ST6GAL1: variants seen among roughly 807,000 people sequenced by gnomAD.
The protein encoded by ST6GAL1 is beta-galactoside alpha-2,6-sialyltransferase 1.
Under a neutral mutation model 38.0 loss-of-function variants are expected in ST6GAL1, and 20 were observed. The observed-to-expected ratio is 0.53, with a 90% CI of 0.37 to 0.77. The LOEUF is 0.77. Ranked by LOEUF, ST6GAL1 falls within the 30% of genes least tolerant of loss-of-function variation. The pLI, the probability that ST6GAL1 is intolerant of heterozygous loss-of-function variation, is 0.00. For synonymous variants in ST6GAL1, 196 were observed against 188.2 expected (o/e 1.04, Z -0.34); for missense variants, 432 against 496.4 (o/e 0.87, Z 1.23).
At chr3:187,044,193 T>G (rs192523478) in intron 4 of ST6GAL1, among the ~76,000 whole-genome samples, 71 of 152,340 alleles carry the variant, frequency 4.7e-4, no homozygotes, top group Non-Finnish European at 9.6e-4. Context: ...CTGTCTATAT[T>G]TGTAAACCTG....
chr3:186,937,432 T>C (rs1714001292), intron 1 of ST6GAL1, among the ~76,000 whole-genome samples: 1 of 152,206 alleles, frequency 6.6e-6, no homozygotes, highest in Admixed American at 6.5e-5. Flanking sequence ...GCACATGGCC[T>C]TGAGTTCCAG....
At chr3:187,019,951 A>G (rs1164215093) in intron 2 of ST6GAL1, among the ~76,000 whole-genome samples, 1 of 152,182 alleles carries the variant, frequency 6.6e-6, no homozygotes, top group Non-Finnish European at 1.5e-5. Flanking sequence ...TAGCCCTTGG[A>G]AGGGCCTGAG....
At chr3:186,985,627 T>A (rs1295818125) in intron 2 of ST6GAL1, among the ~76,000 whole-genome samples, 1 of 148,236 alleles carries the variant, frequency 6.7e-6, no homozygotes, top group African/African-American at 2.5e-5. Flanking sequence ...AAAAAAAAAT[T>A]AGCTGGTCCT....
chr3:187,025,013 G>GTGTGTGTGTGTGTGTCTGTGTGTC (rs1441343688), intron 2 of ST6GAL1, among the ~76,000 whole-genome samples: 2 of 151,280 alleles, frequency 1.3e-5, no homozygotes, highest in African/African-American at 4.9e-5. Flanking sequence ...GTGTGTGTGT[G>GTGTGTGTGTGTGTGTCTGTGTGTC]TGTGTGTCTG....
intron 2 of ST6GAL1, among the ~76,000 whole-genome samples, chr3:186,974,589 C>T (rs533842578): frequency 2.6e-5 from 4 of 151,998 alleles, no homozygotes; most frequent in South Asian, 2.1e-4. Context: ...AGAACATTTC[C>T]GTCATTAGTG....
chr3:187,060,232 C>T lies in ST6GAL1; in HGVS notation c.705+8886C>T, dbSNP rs143341932. Among the ~76,000 whole-genome samples, 504 of 152,308 alleles carry T rather than the reference C, an allele frequency of 3.3e-3. 6 individuals are homozygous for T. Among genetic ancestry groups the T allele is most frequent in the African/African-American group, 0.01 (435 of 41,542 alleles). ...CTGGAGTGCAGTGGCGCGATCTCAG[C>T]TCACTGCAAACACCACCTCCTGGGT... On this transcript the variant is annotated intron_variant, in intron 5 of 7. Transcript: ENST00000169298.
At chr3:186,987,890 C>T (rs971413340) in intron 2 of ST6GAL1, among the ~76,000 whole-genome samples, 2 of 152,174 alleles carry the variant, frequency 1.3e-5, no homozygotes, top group Non-Finnish European at 2.9e-5. Flanking sequence ...TATTGGGGCT[C>T]GTATTTAAAA....
chr3:186,942,614 G>A (rs576044402), intron 1 of ST6GAL1, among the ~76,000 whole-genome samples: 1 of 152,112 alleles, frequency 6.6e-6, no homozygotes, highest in African/African-American at 2.4e-5. Flanking sequence ...TTTCTTTCCT[G>A]CAAGTGAAGA....
intron 2 of ST6GAL1, among the ~76,000 whole-genome samples, chr3:186,968,586 A>G (rs992287680): frequency 1.3e-5 from 2 of 151,920 alleles, no homozygotes; most frequent in South Asian, 2.1e-4. Flanking sequence ...TTCTCACACT[A>G]TAGGTTCGTT....
At chr3:186,998,426 AAG>A (rs1267226888) in intron 2 of ST6GAL1, among the ~76,000 whole-genome samples, 1 of 152,212 alleles carries the variant, frequency 6.6e-6, no homozygotes, top group East Asian at 1.9e-4. Context: ...AATCATAAGA[AAG>A]AGAAAATGTA....
intron 5 of ST6GAL1, among the ~76,000 whole-genome samples, chr3:187,060,367 G>T (rs1227919183): frequency 6.6e-6 from 1 of 151,932 alleles, no homozygotes; most frequent in Non-Finnish European, 1.5e-5. Flanking sequence ...CACTGTGTTG[G>T]CCAGGTTAGT....
chr3:187,002,428 C>A (rs1305683386), intron 2 of ST6GAL1, among the ~76,000 whole-genome samples: 1 of 152,228 alleles, frequency 6.6e-6, no homozygotes, highest in Admixed American at 6.5e-5. Context: ...ACAGCTCATT[C>A]CTCTCCCTGG....
At chr3:187,024,826 G>C (rs1341087008) in intron 2 of ST6GAL1, 1 of 152,146 alleles carries the variant, frequency 6.6e-6, no homozygotes, top group Non-Finnish European at 1.5e-5. Context: ...CAAACAAAAT[G>C]TCCTGTCCTT....
chr3:186,939,069 T>TA (rs1311136999), intron 1 of ST6GAL1, among the ~76,000 whole-genome samples: 1 of 36,364 alleles, frequency 2.7e-5, no homozygotes, highest in Non-Finnish European at 4.6e-5. Flanking sequence ...ACCTGGGACC[T>TA]TTTTTTTTTT....
Position 186,937,660 on chromosome 3 carries a change from C to T in ST6GAL1, c.-325+6826C>T, listed in dbSNP as rs911901058. ...CAAGAGATTAGTGCAGGATGCCGTG[C>T]GACCTTGAGGAGGGAGTCACCAATG... On this transcript the variant is annotated intron_variant, in intron 1 of 7. Coordinates refer to ENST00000169298, the MANE Select transcript of ST6GAL1 (RefSeq NM_173216.2). Among the ~76,000 whole-genome samples, 3 of 152,128 alleles carry T rather than the reference C, an allele frequency of 2.0e-5. No individual in the cohort carries two copies. The South Asian group carries it at 6.2e-4, about 32-fold the overall frequency.
intron 2 of ST6GAL1, among the ~76,000 whole-genome samples, chr3:187,009,495 G>A (rs1226112129): frequency 6.6e-6 from 1 of 152,124 alleles, no homozygotes; most frequent in Non-Finnish European, 1.5e-5. Context: ...ATCTGAGTGT[G>A]GTGGTGTGTG....
Position 187,075,643 on chromosome 3 carries a change from A to G in ST6GAL1, c.1061A>G (p.Tyr354Cys). ...LPSKRKTDVC[Y>C]YYQKFFDSAC... Reference sequence around the variant, plus strand: ...TCCAAGCGCAAGACTGACGTGTGCTACTACTACCAGAAGTTCTTCGATAGT... The same window carrying G: ...TCCAAGCGCAAGACTGACGTGTGCTGCTACTACCAGAAGTTCTTCGATAGT... Residue 354 changes from tyrosine to cysteine, a missense_variant, in exon 8 of 8, where the codon TAC becomes TGC. Transcript: ENST00000169298. This position sits in a 1 kb window ranked among gnomAD's most constrained non-coding sequence, Gnocchi z 4.1. 1.2e-6 allele frequency: 2 copies of G among 1,614,178 alleles called. No individual in the cohort carries two copies. The highest frequency in any genetic ancestry group is 1.3e-5 in the African/African-American group (1 of 75,048).
At position 187,018,089 on chromosome 3, in the gene ST6GAL1, A is replaced by G. The variant is rs545484597; in HGVS notation, c.-182-20653A>G. Among the ~76,000 whole-genome samples the G allele has an allele frequency of 1.1e-3, 175 of 152,290 alleles. 2 individuals carry two copies. The highest frequency in any genetic ancestry group is 3.8e-3 in the African/African-American group (157 of 41,566). ...GTCCCGGGGGAGGCAGGTTTCCAAC[A>G]TAACTGCTACTCTGCCTTTGCCTGG... On this transcript the variant is annotated intron_variant, in intron 2 of 7. Coordinates refer to ENST00000169298, the MANE Select transcript of ST6GAL1 (RefSeq NM_173216.2).
chr3:187,058,322 A>G (rs772796405), intron 5 of ST6GAL1, among the ~76,000 whole-genome samples: 11 of 152,104 alleles, frequency 7.2e-5, no homozygotes, highest in Non-Finnish European at 1.5e-4. Context: ...ACCAGTCCCA[A>G]TGATATGAAC....
Sources: gnomAD v4.1 joint callset for allele counts (sites outside exome capture counted in the v4.1 genomes callset) on GRCh38, gnomAD v4.1.1 for gene constraint, Gnocchi (gnomAD v3.1) non-coding constraint, MANE v1.5 for transcripts, NCBI Gene and HGNC (gene_info 2026-07-23, HGNC 2026-07-21) for gene names.